Variants in AKR1B10 observed in about 807,000 individuals in gnomAD.
AKR1B10 encodes aldo-keto reductase family 1 member B10.
In AKR1B10, 39 loss-of-function variants were observed where a neutral mutation model predicts 38.9. The ratio of observed to expected loss-of-function variants is 1.00; its 90% CI spans 0.78 to 1.31. AKR1B10 has a LOEUF of 1.31. Ranked by LOEUF, AKR1B10 falls within the 50% of genes most tolerant of loss-of-function variation. The pLI is 0.00. For missense variants in AKR1B10, 361 were observed against 382.6 expected, an observed-to-expected ratio of 0.94 and a Z score of 0.47; for synonymous variants, 148 against 141.2, an observed-to-expected ratio of 1.05 and a Z score of -0.34.
At chr7:134,538,836 C>T in intron 8 of AKR1B10, 99 bp from the exon 9 acceptor site, 2 of 1,382,604 alleles carry the variant, frequency 1.4e-6, no homozygotes, top group Non-Finnish European at 1.0e-6. Context: ...CCAGTTTGTG[C>T]TGTGAATGTG....
At position 134,527,750 on chromosome 7, in the gene AKR1B10, G is replaced by T; in HGVS notation, c.-162G>T. The T allele has an allele frequency of 2.2e-6, 2 of 923,654 alleles. No homozygotes were observed. Among genetic ancestry groups the T allele is most frequent in the East Asian group, 2.9e-5 (1 of 34,602 alleles). The allele number at this position is 923,654 out of a possible 1,614,324, so 57.2% of individuals were successfully genotyped here. On this transcript the variant is annotated 5_prime_UTR_variant, in exon 1 of 10. Transcript: ENST00000359579. ...AATCCCAGCTACTCGGGAGGCTGAG[G>T]CAGGAGAATTGCTTGAACCCAGGAG...
In AKR1B10 at chr7:134,531,824, T is replaced by C. The variant is rs960186900; in HGVS notation, c.235-84T>C. Reference sequence around the variant, plus strand: ...TGGCTTGTGGTGGGTTAGATGAGGATGCAAATCAAAAAGCAGGGACAATGA... The same window carrying C: ...TGGCTTGTGGTGGGTTAGATGAGGACGCAAATCAAAAAGCAGGGACAATGA... On this transcript the variant is annotated intron_variant, in intron 2 of 9. Transcript: ENST00000359579. 4.6e-6 allele frequency: 7 copies of C among 1,518,708 alleles called. No individual in the cohort carries two copies. The South Asian group carries it at 6.8e-5, about 15-fold the overall frequency. 94.1% of individuals were successfully genotyped at this position (1,518,708 alleles called of 1,614,324 possible). A position where few individuals can be genotyped will look rare whatever the true frequency, so the allele number is the denominator to read the frequency against.
chr7:134,540,128 G>T (rs1345907313), intron 9 of AKR1B10, among the ~76,000 whole-genome samples: 1 of 151,980 alleles, frequency 6.6e-6, no homozygotes, highest in Admixed American at 6.6e-5. Context: ...TGAGGCAGGA[G>T]AATGGTGTGA....
chr7:134,532,125 C>T, intron 3 of AKR1B10, 101 bp downstream of exon 3: 1 of 1,395,594 alleles, frequency 7.2e-7, no homozygotes, highest in Non-Finnish European at 1.0e-6. Flanking sequence ...GGCAGGAGGC[C>T]TTGCATTTCA....
At position 134,527,856 on chromosome 7, in the gene AKR1B10, A is replaced by G. The variant is rs1160117750; in HGVS notation, c.-56A>G. 5.0e-6 allele frequency: 8 copies of G among 1,611,208 alleles called. No individual in the cohort carries two copies. The East Asian group carries it at 1.3e-4, about 27-fold the overall frequency. On this transcript the variant is annotated 5_prime_UTR_variant, in exon 1 of 10. Transcript: ENST00000359579. ...GCAAGACTGTCTCAAAAACAGCAAC[A>G]GAGAGCAGGACGTGAGACTTCTACC...
chr7:134,527,966 G>C lies in AKR1B10; in HGVS notation c.55G>C (p.Gly19Arg). Residue 19 changes from glycine to arginine, a missense_variant, in exon 1 of 10, where the codon GGC becomes CGC. By Grantham distance (125) the Gly-to-Arg change is moderately radical. Around this residue, in one of 3 missense-constraint regions of AKR1B10, gnomAD observed 220 missense variants for 216.1 expected, o/e 1.02. Coordinates refer to ENST00000359579, the MANE Select transcript of AKR1B10 (RefSeq NM_020299.5). The stretch of plus-strand genomic sequence containing the variant: ...AGCCAAGATGCCCATTGTGGGCCTG[G>C]GCACTTGGAAGGTAAATATGCAAAT... ...TKAKMPIVGL[G>R]TWKSPLGKVK... 1 of 1,614,020 alleles carries C rather than the reference G, an allele frequency of 6.2e-7. No individual in the cohort carries two copies. The highest frequency in any genetic ancestry group is 8.5e-7 in the Non-Finnish European group (1 of 1,179,940).
In AKR1B10 at chr7:134,527,788, G is replaced by C. The variant is rs2117530538; in HGVS notation, c.-124G>C. On this transcript the variant is annotated 5_prime_UTR_variant, in exon 1 of 10. Transcript: ENST00000359579. ...TTGAACCCAGGAGACAGAGGTTGTA[G>C]TGAGCTGAGATCGCACCACTGCACT... 7.0e-7 allele frequency: 1 copy of C among 1,418,800 alleles called. No homozygotes were observed. The highest frequency in any genetic ancestry group is 2.4e-5 in the East Asian group (1 of 41,476). 87.9% of individuals were successfully genotyped at this position (1,418,800 alleles called of 1,614,324 possible). A position where few individuals can be genotyped will look rare whatever the true frequency, so the allele number is the denominator to read the frequency against.
At chr7:134,537,684 G>C in intron 7 of AKR1B10, 23 bp downstream of exon 7, 9 of 1,612,394 alleles carry the variant, frequency 5.6e-6, no homozygotes, top group Non-Finnish European at 7.6e-6. Context: ...TATTTTTCTT[G>C]TTATCCAACA....
Position 134,531,919 on chromosome 7 carries a change from T to C in AKR1B10, c.246T>C (p.Thr82=). ...DLFIVSKLWP[T]FFERPLVRKA... ...TACACTCTTTGCAGTTGTGGCCCACTTTCTTTGAGAGACCCCTTGTGAGGA... is the reference window on the plus strand; with the variant it reads ...TACACTCTTTGCAGTTGTGGCCCACCTTCTTTGAGAGACCCCTTGTGAGGA... Residue 82 remains threonine (T), a synonymous_variant, in exon 3 of 10, where the codon ACT becomes ACC. Coordinates refer to ENST00000359579, the MANE Select transcript of AKR1B10 (RefSeq NM_020299.5). 6.2e-7 allele frequency: 1 copy of C among 1,614,130 alleles called. No individual in the cohort carries two copies. The highest frequency in any genetic ancestry group is 2.2e-5 in the East Asian group (1 of 44,880).
intron 7 of AKR1B10, 53 bp downstream of exon 7, chr7:134,537,714 T>A (rs1208998972): frequency 1.9e-6 from 3 of 1,597,924 alleles, no homozygotes; most frequent in Non-Finnish European, 2.6e-6. Flanking sequence ...TCCAGTCTCG[T>A]GTTTCATATC....
At chr7:134,534,767 A>G (rs1477094972) in intron 4 of AKR1B10, among the ~76,000 whole-genome samples, 2 of 152,170 alleles carry the variant, frequency 1.3e-5, no homozygotes, top group African/African-American at 2.4e-5. Flanking sequence ...GTGCACAAAA[A>G]CTTTTAAATT....
intron 4 of AKR1B10, among the ~76,000 whole-genome samples, chr7:134,534,840 G>A (rs1464430382): frequency 6.6e-6 from 1 of 152,154 alleles, no homozygotes; most frequent in Non-Finnish European, 1.5e-5. Flanking sequence ...AAATTCTACT[G>A]CCCAATTTGG....
At position 134,541,345 on chromosome 7, in the gene AKR1B10, T is replaced by G. The variant is rs1043710035; in HGVS notation, c.*256T>G. 5.2e-6 allele frequency: 2 copies of G among 387,144 alleles called. No homozygotes were observed. The highest frequency in any genetic ancestry group is 2.1e-5 in the African/African-American group (1 of 46,660). 24.0% of individuals were successfully genotyped at this position (387,144 alleles called of 1,614,324 possible). Reference sequence around the variant, plus strand: ...TTATCTGATCAGAACAAATGTTTATTAAGCATCAGAAACTCTGCCAACACT... The same window carrying G: ...TTATCTGATCAGAACAAATGTTTATGAAGCATCAGAAACTCTGCCAACACT... On this transcript the variant is annotated 3_prime_UTR_variant, in exon 10 of 10. Transcript: ENST00000359579.
At chr7:134,528,042 G>A in intron 1 of AKR1B10, 65 bp downstream of exon 1, 1 of 1,585,876 alleles carries the variant, frequency 6.3e-7, no homozygotes, top group Non-Finnish European at 8.6e-7. Flanking sequence ...TTCTCTTTCT[G>A]CATTCAGCCA....
chr7:134,530,943 A>G (rs1380558958), intron 2 of AKR1B10, 133 bp downstream of exon 2: 17 of 1,244,340 alleles, frequency 1.4e-5, no homozygotes, highest in Non-Finnish European at 1.9e-5. Context: ...AACATCCGTG[A>G]ATACAACACT....
At chr7:134,536,172 C>T (rs117823096) in intron 4 of AKR1B10, among the ~76,000 whole-genome samples, 3,788 of 152,296 alleles carry the variant, frequency 0.025, 90 homozygotes, top group South Asian at 0.1. Flanking sequence ...GAGGCTTCTC[C>T]GTATGCTGCA....
chr7:134,530,817 T>C lies in AKR1B10; in HGVS notation c.234+7T>C, dbSNP rs1304358147. 12 of 1,603,242 alleles carry C rather than the reference T, an allele frequency of 7.5e-6. No homozygotes were observed. Among genetic ancestry groups the C allele is most frequent in the South Asian group, 1.1e-5 (1 of 88,826 alleles). On this transcript the variant is annotated splice_region_variant and intron_variant, in intron 2 of 9. Transcript: ENST00000359579. ...CCTGTTCATCGTCAGCAAGGTGCAATGGTGCATTTGGTGGGAGGCCTTCAC... is the reference window on the plus strand; with the variant it reads ...CCTGTTCATCGTCAGCAAGGTGCAACGGTGCATTTGGTGGGAGGCCTTCAC...
Position 134,540,011 on chromosome 7 carries a change from A to G in AKR1B10, c.908+994A>G, listed in dbSNP as rs144833119. ...GGGAGGCCAAGGTGGGCTGATCAAG[A>G]GGTCAGGAGATCAAGACCATCCTGG... On this transcript the variant is annotated intron_variant, in intron 9 of 9. Coordinates refer to ENST00000359579, the MANE Select transcript of AKR1B10 (RefSeq NM_020299.5). Among the ~76,000 whole-genome samples the G allele has an allele frequency of 1.5e-3, 235 of 152,042 alleles. 3 individuals are homozygous for G. The East Asian group carries it at 0.031, about 20-fold the overall frequency.
At chr7:134,535,608 T>TC in intron 4 of AKR1B10, 1 of 880,718 alleles carries the variant, frequency 1.1e-6, no homozygotes, top group Non-Finnish European at 1.3e-6. Flanking sequence ...TTTTTTTTTT[T>TC]CTTTTGAGGC....
Sources: gnomAD v4.1 joint callset for allele counts (sites outside exome capture counted in the v4.1 genomes callset) on GRCh38, gnomAD v4.1.1 for gene constraint, gnomAD v4.1.1 regional missense constraint, MANE v1.5 for transcripts, NCBI Gene and HGNC (gene_info 2026-07-23, HGNC 2026-07-21) for gene names.